The following ATP2B1 variants were observed in gnomAD, a reference collection of about 807,000 sequenced individuals.
The protein encoded by ATP2B1 is plasma membrane calcium-transporting ATPase 1.
In ATP2B1, 14 loss-of-function variants were observed where a neutral mutation model predicts 124.2. The observed-to-expected ratio is 0.11, with a 90% CI of 0.07 to 0.18. ATP2B1 has a LOEUF of 0.18. Ranked by LOEUF, ATP2B1 falls within the 10% of genes least tolerant of loss-of-function variation. ATP2B1 has a pLI of 1.00. For missense variants in ATP2B1, 763 were observed against 1,466.1 expected (o/e 0.52, Z 7.83); for synonymous variants, 449 against 492.4 (o/e 0.91, Z 1.17).
chr12:89,634,469 G>T (rs911632064), intron 5 of ATP2B1, among the ~76,000 whole-genome samples: 4 of 152,084 alleles, frequency 2.6e-5, no homozygotes, highest in Non-Finnish European at 5.9e-5. Context: ...CAGAATAACA[G>T]ACCAACTCAA....
intron 1 of ATP2B1, among the ~76,000 whole-genome samples, chr12:89,658,603 GA>G (rs1404512937): frequency 5.8e-5 from 6 of 102,988 alleles, no homozygotes; most frequent in Admixed American, 9.4e-5. Context: ...AAACAGGAGA[GA>G]GAGAGAGAGA....
chr12:89,669,075 CTCAG>C (rs1003600204), intron 1 of ATP2B1, among the ~76,000 whole-genome samples: 8 of 152,166 alleles, frequency 5.3e-5, no homozygotes, highest in Admixed American at 4.6e-4. Flanking sequence ...TGTGCACACA[CTCAG>C]TATGTACTGC....
At chr12:89,695,428 T>C (rs1441082507) in intron 1 of ATP2B1, among the ~76,000 whole-genome samples, 1 of 151,984 alleles carries the variant, frequency 6.6e-6, no homozygotes, top group Non-Finnish European at 1.5e-5. Context: ...TAAAAGAAAA[T>C]ATTTATCTCA....
At chr12:89,629,907 C>CA (rs1192479905) in intron 6 of ATP2B1, among the ~76,000 whole-genome samples, 1 of 151,828 alleles carries the variant, frequency 6.6e-6, no homozygotes, top group Non-Finnish European at 1.5e-5. Context: ...TTGTGTATAA[C>CA]AGTTTCTTGT....
At chr12:89,614,860 C>T (rs1272308657) in intron 12 of ATP2B1, among the ~76,000 whole-genome samples, 1 of 152,150 alleles carries the variant, frequency 6.6e-6, no homozygotes, top group African/African-American at 2.4e-5. Flanking sequence ...TATGCCACAA[C>T]TGTGGGCCAA....
chr12:89,604,311 G>A lies in ATP2B1; in HGVS notation c.2478C>T (p.Ser826=), dbSNP rs772443982. ...AGTTGTCATCTGTGAGAATAATATC[G>A]GATGCTTCTTTAGCTACATCAGTTC... ...IAGTDVAKEA[S]DIILTDDNFT... is the part of the protein sequence containing the mutation. The change falls in exon 16 of 21, where the codon TCC becomes TCT. Residue 826 remains serine, a synonymous_variant. Transcript: ENST00000428670. 4.8e-5 allele frequency: 77 copies of A among 1,611,526 alleles called. No individual in the cohort carries two copies. The highest frequency in any genetic ancestry group is 1.2e-4 in the Admixed American group (7 of 59,608).
intron 8 of ATP2B1, among the ~76,000 whole-genome samples, chr12:89,625,224 C>T (rs1880658229): frequency 6.6e-6 from 1 of 151,910 alleles, no homozygotes; most frequent in Non-Finnish European, 1.5e-5. Flanking sequence ...CGAGATCGCA[C>T]CACTGCACTC....
chr12:89,662,715 A>C (rs1886856295), intron 1 of ATP2B1, among the ~76,000 whole-genome samples: 1 of 152,192 alleles, frequency 6.6e-6, no homozygotes, highest in African/African-American at 2.4e-5. Context: ...CTGATTTATT[A>C]GTCTCAAAGG....
chr12:89,612,269 ACAATCAGTG>A (rs1210829197), intron 12 of ATP2B1: 2 of 152,174 alleles, frequency 1.3e-5, no homozygotes, highest in Non-Finnish European at 2.9e-5. Flanking sequence ...TCAGTATAAC[ACAATCAGTG>A]TTTGTGCCTG....
At chr12:89,679,867 G>A (rs75469213) in intron 1 of ATP2B1, among the ~76,000 whole-genome samples, 8 of 152,196 alleles carry the variant, frequency 5.3e-5, no homozygotes, top group Non-Finnish European at 8.8e-5. Context: ...GAATAGCAGC[G>A]GAAATGGCAG....
chr12:89,645,513 C>A (rs1298875097), intron 2 of ATP2B1, among the ~76,000 whole-genome samples: 1 of 151,988 alleles, frequency 6.6e-6, no homozygotes, highest in Non-Finnish European at 1.5e-5. Context: ...TAAAAAAGGG[C>A]CAATAGAACT....
chr12:89,606,886 A>G (rs1463524864), intron 15 of ATP2B1, among the ~76,000 whole-genome samples: 1 of 152,070 alleles, frequency 6.6e-6, no homozygotes, highest in East Asian at 1.9e-4. Context: ...AATGTCCCAT[A>G]TATTTAACAC....
chr12:89,694,345 A>G (rs541392692), intron 1 of ATP2B1, among the ~76,000 whole-genome samples: 24 of 152,304 alleles, frequency 1.6e-4, no homozygotes, highest in Non-Finnish European at 2.5e-4. Flanking sequence ...TTTAATGACA[A>G]CCTCAAACTC....
intron 15 of ATP2B1, among the ~76,000 whole-genome samples, chr12:89,604,880 G>C (rs1876538598): frequency 6.6e-6 from 1 of 150,446 alleles, no homozygotes; most frequent in South Asian, 2.1e-4. Flanking sequence ...TCCAGACTTG[G>C]CAGATTTACG....
chr12:89,592,461 A>T (rs946629007), intron 20 of ATP2B1, among the ~76,000 whole-genome samples: 6 of 152,050 alleles, frequency 3.9e-5, no homozygotes, highest in African/African-American at 1.4e-4. Context: ...GAATGTGTTT[A>T]AAAAAATGTA....
chr12:89,657,821 T>C (rs1259921903), intron 1 of ATP2B1, among the ~76,000 whole-genome samples: 1 of 152,150 alleles, frequency 6.6e-6, no homozygotes. Context: ...AAACTTAGAA[T>C]TCATATGAGT....
chr12:89,647,387 G>A (rs1884623547), intron 2 of ATP2B1, among the ~76,000 whole-genome samples: 1 of 152,174 alleles, frequency 6.6e-6, no homozygotes, highest in Admixed American at 6.5e-5. Context: ...CAGAAGTACT[G>A]TCTTTATATT....
intron 2 of ATP2B1, among the ~76,000 whole-genome samples, chr12:89,647,696 T>C (rs930844194): frequency 4.6e-5 from 7 of 152,228 alleles, no homozygotes; most frequent in East Asian, 1.9e-4. Flanking sequence ...GTCTGTGATA[T>C]AGTAAGGATG....
At chr12:89,666,404 G>C (rs1887325023) in intron 1 of ATP2B1, among the ~76,000 whole-genome samples, 1 of 152,096 alleles carries the variant, frequency 6.6e-6, no homozygotes, top group Non-Finnish European at 1.5e-5. Context: ...TCATCCCTTG[G>C]AATTGTTCTA....
Sources: gnomAD v4.1 joint callset for allele counts (sites outside exome capture counted in the v4.1 genomes callset) on GRCh38, gnomAD v4.1.1 for gene constraint, MANE v1.5 for transcripts, NCBI Gene and HGNC (gene_info 2026-07-23, HGNC 2026-07-21) for gene names.